The following TRPV1 variants were observed in gnomAD, a reference collection of about 807,000 sequenced individuals.
TRPV1 encodes the protein transient receptor potential cation channel subfamily V member 1, also known as OTRPC1.
TRPV1 carries 82 observed loss-of-function variants against 82.3 expected under a neutral mutation model. That is an observed-to-expected ratio of 1.00 (90% CI 0.83 to 1.20). The LOEUF is 1.20. Ranked by LOEUF, TRPV1 falls within the 50% of genes most tolerant of loss-of-function variation. The probability of loss-of-function intolerance (pLI) is 0.00; values close to 1 mark genes in which losing one functional copy is unlikely to be tolerated. For synonymous variants in TRPV1, 515 were observed against 467.7 expected (o/e 1.10, Z -1.30); for missense variants, 1,067 against 1,096.8 (o/e 0.97, Z 0.38).
rs1433712445 is a variant in TRPV1 at position 3,589,860 on chromosome 17, T to G, written c.991A>C (p.Asn331His). Residue 331 changes from asparagine (N) to histidine (H), a missense_variant, in exon 7 of 17, where the codon AAC becomes CAC. Coordinates refer to ENST00000572705, the MANE Select transcript of TRPV1 (RefSeq NM_080704.4). ...GCCAGCGGCGTCATTCCCTTCTTGT[T>G]GGTGAGCTCCTCCAGCTTCAGCGTC... ...HPTLKLEELT[N>H]KKGMTPLALA... 3 of 1,613,748 alleles carry G rather than the reference T, an allele frequency of 1.9e-6. No homozygotes were observed. In the Admixed American group the frequency reaches 5.0e-5, roughly 27 times the overall value.
At chr17:3,594,151 A>AAAAAAAAAAAAAAAC (rs2075195495) in intron 2 of TRPV1, among the ~76,000 whole-genome samples, 1 of 104,336 alleles carries the variant, frequency 9.6e-6, no homozygotes, top group African/African-American at 4.0e-5. Flanking sequence ...AAAAAAAAAA[A>AAAAAAAAAAAAAAAC]AGAAGCAGCA....
intron 2 of TRPV1, chr17:3,602,039 A>G (rs989507058): frequency 6.6e-6 from 1 of 152,200 alleles, no homozygotes; most frequent in Admixed American, 6.5e-5. Context: ...GGGTGTTGGC[A>G]TGAGCACTTT....
At position 3,591,216 on chromosome 17, in the gene TRPV1, T is replaced by C. The variant is rs1380212788; in HGVS notation, c.422A>G (p.Lys141Arg). 6.2e-7 allele frequency: 1 copy of C among 1,612,282 alleles called. No homozygotes were observed. Among genetic ancestry groups the C allele is most frequent in the East Asian group, 2.2e-5 (1 of 44,846 alleles). ...GAACTCGTTGTCTGTGAGGTGCTTC[T>C]TGCTCTTCTGCAGGAAGAGCAGCAG... ...ESLLLFLQKS[K>R]KHLTDNEFKD... The change falls in exon 4 of 17, where the codon AAG (lysine) becomes AGG (arginine). Residue 141 changes from lysine (K) to arginine (R), a missense_variant. Transcript: ENST00000572705.
At chr17:3,577,971 G>A in intron 11 of TRPV1, 1 of 549,032 alleles carries the variant, frequency 1.8e-6, no homozygotes, top group South Asian at 2.2e-5. Flanking sequence ...GAGGAGCTGT[G>A]CAAAATCTCA....
intron 2 of TRPV1, chr17:3,597,089 C>A (rs566632508): frequency 6.6e-6 from 1 of 152,374 alleles, no homozygotes; most frequent in African/African-American, 2.4e-5. Context: ...TCGCTGTGGA[C>A]GCCCTTCGGC....
intron 2 of TRPV1, among the ~76,000 whole-genome samples, chr17:3,599,246 T>C (rs1478409129): frequency 6.6e-6 from 1 of 151,938 alleles, no homozygotes; most frequent in African/African-American, 2.4e-5. Context: ...TCTCAAAATA[T>C]ATATTTATAT....
rs770861009 is a variant in TRPV1, at chr17:3,590,100, G to A, written c.751C>T (p.Leu251=). The change falls in exon 7 of 17, where the codon CTG becomes TTG. Residue 251 remains leucine (L), a synonymous_variant. Coordinates refer to ENST00000572705, the MANE Select transcript of TRPV1 (RefSeq NM_080704.4). ...GTGCACGCGGCCAGGGACAGGGGCA[G>A]TTCACCTGCATGAACACAGGGCCCA... is the stretch of plus-strand genomic sequence containing the variant. ...KGRPGFYFGE[L]PLSLAACTNQ... is the part of the protein sequence containing the mutation. The A allele has an allele frequency of 3.1e-5, 50 of 1,605,010 alleles. No individual in the cohort carries two copies. The Admixed American group carries it at 5.2e-4, about 17-fold the overall frequency.
intron 10 of TRPV1, among the ~76,000 whole-genome samples, chr17:3,582,875 A>T (rs1271909164): frequency 7.2e-6 from 1 of 138,320 alleles, no homozygotes; most frequent in Non-Finnish European, 1.6e-5. Context: ...TGAACCCAAG[A>T]GGCGGAGGTT....
chr17:3,573,358 C>T (rs2074884442), intron 14 of TRPV1, among the ~76,000 whole-genome samples: 1 of 152,116 alleles, frequency 6.6e-6, no homozygotes, highest in Non-Finnish European at 1.5e-5. Context: ...GCTCATCTGC[C>T]CCTGAGCAGG....
intron 10 of TRPV1, among the ~76,000 whole-genome samples, chr17:3,582,216 C>CAAAAAAAAAAAAAAAAA: frequency 3.2e-5 from 2 of 62,168 alleles, no homozygotes; most frequent in East Asian, 1.1e-3. Context: ...AAAAAAAAAT[C>CAAAAAAAAAAAAAAAAA]ACAGTGGAGC....
chr17:3,568,158 TA>T (rs2074797313), intron 16 of TRPV1, among the ~76,000 whole-genome samples: 1 of 151,798 alleles, frequency 6.6e-6, no homozygotes, highest in African/African-American at 2.4e-5. Flanking sequence ...CCGTCTCTAC[TA>T]AAAATACAAA....
In TRPV1 at chr17:3,566,743, TC is replaced by T; in HGVS notation, c.*71del. ...CAGGCTGCTGACAGAGCACTGGTGT[TC>T]CCTCAGCAGCCCCCCGTGGCAACGG... is the stretch of plus-strand genomic sequence containing the variant. On this transcript the variant is annotated 3_prime_UTR_variant, in exon 17 of 17. Coordinates refer to ENST00000572705, the MANE Select transcript of TRPV1 (RefSeq NM_080704.4). The T allele has an allele frequency of 6.4e-7, 1 of 1,553,188 alleles. No homozygotes were observed. The highest frequency in any genetic ancestry group is 1.2e-5 in the South Asian group (1 of 81,688).
At position 3,590,117 on chromosome 17, in the gene TRPV1, C is replaced by T; in HGVS notation, c.746-12G>A. The T allele has an allele frequency of 6.3e-7, 1 of 1,598,046 alleles. No individual in the cohort carries two copies. The highest frequency in any genetic ancestry group is 8.5e-7 in the Non-Finnish European group (1 of 1,170,732). On this transcript the variant is annotated splice_polypyrimidine_tract_variant and intron_variant, in intron 6 of 16. Coordinates refer to ENST00000572705, the MANE Select transcript of TRPV1 (RefSeq NM_080704.4). ...CAGGGGCAGTTCACCTGCATGAACA[C>T]AGGGCCCAGGTGGGCCTCAGGAGTG...
intron 2 of TRPV1, among the ~76,000 whole-genome samples, chr17:3,603,339 C>A (rs571472853): frequency 1.3e-5 from 2 of 152,102 alleles, no homozygotes; most frequent in South Asian, 4.2e-4. Flanking sequence ...GCTGGAGCCC[C>A]GCTCTGCAGA....
chr17:3,573,474 T>C (rs1039901779), intron 14 of TRPV1, among the ~76,000 whole-genome samples, 159 bp downstream of exon 14: 1 of 152,148 alleles, frequency 6.6e-6, no homozygotes, highest in East Asian at 1.9e-4. Context: ...GCAGGGCTCA[T>C]GTGCCCAGCT....
intron 16 of TRPV1, among the ~76,000 whole-genome samples, chr17:3,568,532 C>T (rs560752284): frequency 1.3e-4 from 20 of 152,114 alleles, no homozygotes; most frequent in Non-Finnish European, 2.5e-4. Flanking sequence ...ATGGAACCCT[C>T]GAGCAGTTTT....
intron 2 of TRPV1, among the ~76,000 whole-genome samples, chr17:3,596,141 G>A (rs940330097): frequency 6.6e-6 from 1 of 152,160 alleles, no homozygotes; most frequent in African/African-American, 2.4e-5. Context: ...TAAAAGAATC[G>A]ATTCTGCCCA....
intron 2 of TRPV1, among the ~76,000 whole-genome samples, chr17:3,606,167 G>T (rs1196974588): frequency 6.6e-6 from 1 of 152,136 alleles, no homozygotes; most frequent in Non-Finnish European, 1.5e-5. Context: ...CACCATGTTG[G>T]CCAGGCCGGT....
intron 9 of TRPV1, 81 bp from the exon 10 acceptor site, chr17:3,583,511 G>T: frequency 8.5e-7 from 1 of 1,180,578 alleles, no homozygotes. Flanking sequence ...TGAAGCCATA[G>T]TCCCTGCCCA....
Sources: gnomAD v4.1 joint callset for allele counts (sites outside exome capture counted in the v4.1 genomes callset) on GRCh38, gnomAD v4.1.1 for gene constraint, MANE v1.5 for transcripts, NCBI Gene and HGNC (gene_info 2026-07-23, HGNC 2026-07-21) for gene names.